The following IGFBP7 variants were observed in gnomAD, a reference collection of about 807,000 sequenced individuals.
IGFBP7 encodes the protein insulin-like growth factor-binding protein 7.
IGFBP7 carries 31 observed loss-of-function variants against 29.4 expected under a neutral mutation model. The observed-to-expected ratio is 1.05, with a 90% confidence interval of 0.79 to 1.42. IGFBP7 has a LOEUF of 1.42. Ranked by LOEUF, IGFBP7 falls within the 40% of genes most tolerant of loss-of-function variation. The pLI is 0.00. For missense variants in IGFBP7, 393 were observed against 395.5 expected (o/e 0.99, Z 0.05); for synonymous variants, 172 against 174.9 (o/e 0.98, Z 0.13).
intron 1 of IGFBP7, among the ~76,000 whole-genome samples, chr4:57,093,028 A>G (rs1725676572): frequency 6.6e-6 from 1 of 152,198 alleles, no homozygotes; most frequent in South Asian, 2.1e-4. Context: ...CTAGAATGGA[A>G]TACAAAATAT....
chr4:57,049,373 A>G (rs183733737), intron 1 of IGFBP7, among the ~76,000 whole-genome samples: 230 of 152,180 alleles, frequency 1.5e-3, no homozygotes, highest in African/African-American at 5.4e-3. Context: ...TTTGCCCATC[A>G]TCTCTTCCAT....
chr4:57,055,233 G>C (rs1465649768), intron 1 of IGFBP7, among the ~76,000 whole-genome samples: 1 of 152,202 alleles, frequency 6.6e-6, no homozygotes, highest in Non-Finnish European at 1.5e-5. Context: ...TCCAGTGGTT[G>C]CCAATCCTGG....
intron 1 of IGFBP7, among the ~76,000 whole-genome samples, chr4:57,093,252 G>A (rs983019593): frequency 1.3e-5 from 2 of 152,232 alleles, no homozygotes; most frequent in Admixed American, 1.3e-4. Flanking sequence ...TATAATCCCA[G>A]CACTTTGGGA....
intron 1 of IGFBP7, among the ~76,000 whole-genome samples, chr4:57,044,363 G>C (rs1424284005): frequency 2.0e-5 from 3 of 152,174 alleles, no homozygotes; most frequent in African/African-American, 7.2e-5. Context: ...TTTTAGTATA[G>C]TCCAATTTAT....
Position 57,040,827 on chromosome 4 carries a change from G to C in IGFBP7, c.582C>G (p.Asn194Lys). 2 of 1,604,412 alleles carry C rather than the reference G, an allele frequency of 1.2e-6. No individual in the cohort carries two copies. The highest frequency in any genetic ancestry group is 1.7e-6 in the Non-Finnish European group (2 of 1,171,162). The change falls in exon 2 of 5, where the codon AAC becomes AAG. Residue 194 changes from asparagine (N) to lysine (K), a missense_variant. Transcript: ENST00000295666. ...IGIPTPVLIW[N>K]KVKRGHYGVQ... ...TCTTAAAGTCTGTGCCACAGACCTT[G>C]TTCCAGATGAGGACAGGTGTCGGGA...
chr4:57,107,291 T>C lies in IGFBP7; in HGVS notation c.475+2586A>G, dbSNP rs186247671. On this transcript the variant is annotated intron_variant, in intron 1 of 4. Transcript: ENST00000295666. ...CCAGAGGGCAGATTGAATCACACCA[T>C]TGTGGCTGAATCCCACAATGCTGCC... Among the ~76,000 whole-genome samples, 38 of 152,300 alleles carry C rather than the reference T, an allele frequency of 2.5e-4. 1 individual carries two copies. The highest frequency in any genetic ancestry group is 1.7e-3 in the Admixed American group (26 of 15,302).
intron 4 of IGFBP7, 68 bp downstream of exon 4, chr4:57,032,358 C>G (rs1723952037): frequency 6.3e-7 from 1 of 1,585,308 alleles, no homozygotes; most frequent in African/African-American, 1.3e-5. Context: ...TACTTTCATA[C>G]TTAGTTCTGT....
chr4:57,054,637 CACAAAAAAAAA>C (rs559456256), intron 1 of IGFBP7, among the ~76,000 whole-genome samples: 40,488 of 125,728 alleles, frequency 0.32, 6,928 homozygotes, highest in Middle Eastern at 0.37. Context: ...GGCTCTCTCT[CACAAAAAAAAA>C]AAAAAAAAAA....
At chr4:57,081,398 C>T (rs542135206) in intron 1 of IGFBP7, among the ~76,000 whole-genome samples, 31 of 152,110 alleles carry the variant, frequency 2.0e-4, no homozygotes, top group Non-Finnish European at 2.5e-4. Context: ...GCCCCTCCCA[C>T]TCACACCATA....
intron 1 of IGFBP7, among the ~76,000 whole-genome samples, chr4:57,073,349 C>T (rs929715224): frequency 1.7e-4 from 26 of 151,770 alleles, no homozygotes; most frequent in African/African-American, 6.3e-4. Context: ...GATCCCAGCA[C>T]TTTGGGAGGC....
Position 57,031,104 on chromosome 4 carries a change from TAATG to T in IGFBP7, c.*209_*212del. On this transcript the variant is annotated 3_prime_UTR_variant, in exon 5 of 5. Coordinates refer to ENST00000295666, the MANE Select transcript of IGFBP7 (RefSeq NM_001553.3). ...TGTGATAAAAAGTATTTTATTTGTT[TAATG>T]ATATGCATGCTTTTCTTCTGTAAAT... The T allele has an allele frequency of 1.3e-6, 1 of 748,274 alleles. No individual in the cohort carries two copies. The highest frequency in any genetic ancestry group is 2.6e-5 in the East Asian group (1 of 39,024). The allele number at this position is 748,274 out of a possible 1,614,324, so 46.4% of individuals were successfully genotyped here.
At chr4:57,096,019 A>C (rs1725753906) in intron 1 of IGFBP7, among the ~76,000 whole-genome samples, 1 of 152,122 alleles carries the variant, frequency 6.6e-6, no homozygotes, top group Admixed American at 6.6e-5. Flanking sequence ...GTGAACAAAT[A>C]GATAAAAAGC....
At chr4:57,065,468 C>G (rs1261752509) in intron 1 of IGFBP7, 1 of 152,194 alleles carries the variant, frequency 6.6e-6, no homozygotes. Context: ...AACTTCATGA[C>G]AAGAAGAGAA....
At chr4:57,107,888 G>A (rs981103061) in intron 1 of IGFBP7, among the ~76,000 whole-genome samples, 1 of 152,202 alleles carries the variant, frequency 6.6e-6, no homozygotes, top group Non-Finnish European at 1.5e-5. Context: ...GTTTGGTGAT[G>A]TAAGTAGCAG....
intron 1 of IGFBP7, among the ~76,000 whole-genome samples, chr4:57,057,005 G>A (rs1312298391): frequency 1.3e-5 from 2 of 151,836 alleles, no homozygotes; most frequent in African/African-American, 2.4e-5. Context: ...TTCTATAGTA[G>A]ATTTTTTTTT....
chr4:57,039,124 G>A (rs1724158559), intron 2 of IGFBP7, among the ~76,000 whole-genome samples: 1 of 149,912 alleles, frequency 6.7e-6, no homozygotes, highest in African/African-American at 2.4e-5. Flanking sequence ...ATTGTGAGGT[G>A]TTAGTTGATG....
chr4:57,105,898 A>AT (rs1726017032), intron 1 of IGFBP7, among the ~76,000 whole-genome samples: 2 of 113,258 alleles, frequency 1.8e-5, no homozygotes, highest in Admixed American at 2.6e-4. Flanking sequence ...GTAACAGCCC[A>AT]TTTTTTAAAT....
rs770867579 is a variant in IGFBP7, at chr4:57,109,906, G to A, written c.446C>T (p.Thr149Ile). 3 of 1,556,094 alleles carry A rather than the reference G, an allele frequency of 1.9e-6. No homozygotes were observed. The South Asian group carries it at 3.5e-5, about 18-fold the overall frequency. ...CTCGCAGGTGCCCTTGCTGACCTGG[G>A]TGATGGCCTTCTCCCCGCGGCTCTC... is the stretch of plus-strand genomic sequence containing the variant. ...RAESRGEKAI[T>I]QVSKGTCEQG... is the part of the protein sequence containing the mutation. Residue 149 changes from threonine to isoleucine, a missense_variant, in exon 1 of 5, where the codon ACC (threonine) becomes ATC (isoleucine). Physicochemically the swap from Thr to Ile is moderately conservative, Grantham distance 89. Coordinates refer to ENST00000295666, the MANE Select transcript of IGFBP7 (RefSeq NM_001553.3).
Position 57,055,190 on chromosome 4 carries a change from C to T in IGFBP7, c.476-14257G>A, listed in dbSNP as rs867644365. On this transcript the variant is annotated intron_variant, in intron 1 of 4. Transcript: ENST00000295666. Reference sequence around the variant, plus strand: ...CAGAGCCTCAGCCACCGGGTACTGGCCTCTAGGAAGGATTCTGTCCTGCAG... The same window carrying T: ...CAGAGCCTCAGCCACCGGGTACTGGTCTCTAGGAAGGATTCTGTCCTGCAG... Among the ~76,000 whole-genome samples the T allele has an allele frequency of 4.0e-5, 6 of 151,744 alleles. No homozygotes were observed. In the East Asian group the frequency reaches 1.2e-3, roughly 29 times the overall value.
Sources: allele counts gnomAD v4.1 joint callset (sites outside exome capture counted in the v4.1 genomes callset), GRCh38; gene constraint gnomAD v4.1.1; transcripts MANE v1.5; gene names NCBI Gene and HGNC (gene_info 2026-07-23, HGNC 2026-07-21).